The following TAC1 variants were observed in gnomAD, a reference collection of about 807,000 sequenced individuals.
The protein encoded by TAC1 is protachykinin-1.
In TAC1, 12 loss-of-function variants were observed where a neutral mutation model predicts 21.7. That is an observed-to-expected ratio of 0.55 (90% CI 0.35 to 0.89). TAC1 has a LOEUF of 0.89. Among genes scored for constraint, TAC1 ranks in the 40% least tolerant of loss-of-function variants. TAC1 has a pLI of 0.01. For missense variants in TAC1, 128 were observed against 151.4 expected (o/e 0.85, Z 0.81); for synonymous variants, 52 against 52.0 (o/e 1.00, Z 0.00).
intron 5 of TAC1, among the ~76,000 whole-genome samples, chr7:97,735,399 C>T (rs566012149): frequency 3.7e-4 from 57 of 152,154 alleles, no homozygotes; most frequent in African/African-American, 1.4e-3. Context: ...TGGGAAAACT[C>T]GATCAGTAAA....
rs1269588768 is a variant in TAC1 at position 97,732,793 on chromosome 7, C to T, written c.123+58C>T. The T allele has an allele frequency of 1.3e-6, 2 of 1,581,766 alleles. No homozygotes were observed. Among genetic ancestry groups the T allele is most frequent in the Admixed American group, 1.7e-5 (1 of 57,240 alleles). On this transcript the variant is annotated intron_variant, in intron 2 of 6. Coordinates refer to ENST00000319273, the MANE Select transcript of TAC1 (RefSeq NM_003182.3). The surrounding 1 kb of genome is among the most constrained non-coding windows in gnomAD (Gnocchi z 6.2). ...TCTTCCTGGGCTCGGGAGCTGTCAC[C>T]TTCCCACGCAACAGCACCCTAGTTA...
At chr7:97,735,161 C>T (rs1239812392) in intron 5 of TAC1, among the ~76,000 whole-genome samples, 1 of 152,060 alleles carries the variant, frequency 6.6e-6, no homozygotes, top group Non-Finnish European at 1.5e-5. Context: ...CAGCCACCCA[C>T]CCCCTAAGCT....
At position 97,734,182 on chromosome 7, in the gene TAC1, T is replaced by C; in HGVS notation, c.221-66T>C. 2.0e-6 allele frequency: 3 copies of C among 1,479,406 alleles called. No individual in the cohort carries two copies. In the East Asian group the frequency reaches 6.8e-5, roughly 33 times the overall value. 91.6% of individuals were successfully genotyped at this position (1,479,406 alleles called of 1,614,324 possible). On this transcript the variant is annotated intron_variant, in intron 3 of 6. Coordinates refer to ENST00000319273, the MANE Select transcript of TAC1 (RefSeq NM_003182.3). ...GTACATTTGTCTTGGGATAGAAATA[T>C]CGTTTCCTTGAATTCATCGCACGGT... is the stretch of plus-strand genomic sequence containing the variant.
intron 6 of TAC1, among the ~76,000 whole-genome samples, chr7:97,738,606 T>C (rs1255718652): frequency 6.6e-6 from 1 of 151,268 alleles, no homozygotes; most frequent in Non-Finnish European, 1.5e-5. Context: ...GCCTCACAAG[T>C]GCATACTTAA....
Position 97,733,946 on chromosome 7 carries a change from G to A in TAC1, c.220+127G>A, listed in dbSNP as rs1584416308. 5 of 994,582 alleles carry A rather than the reference G, an allele frequency of 5.0e-6. No individual in the cohort carries two copies. In the East Asian group the frequency reaches 1.3e-4, roughly 26 times the overall value. 61.6% of individuals were successfully genotyped at this position (994,582 alleles called of 1,614,324 possible). On this transcript the variant is annotated intron_variant, in intron 3 of 6. Transcript: ENST00000319273. ...ACTCCAAGAGGGGTGTAATTCCCCA[G>A]GCGCGACATTGGCCCACACCGCACT...
intron 2 of TAC1, 43 bp from the exon 3 acceptor site, chr7:97,733,680 C>A: frequency 6.2e-7 from 1 of 1,603,366 alleles, no homozygotes; most frequent in South Asian, 1.1e-5. Context: ...GTGCCTCGCT[C>A]TGGTTGCCTT....
intron 4 of TAC1, among the ~76,000 whole-genome samples, chr7:97,734,500 T>A (rs1049033782): frequency 2.0e-5 from 3 of 150,330 alleles, no homozygotes; most frequent in South Asian, 4.2e-4. Context: ...TCTCTCTCTC[T>A]CTTTCTCTCT....
At chr7:97,739,477 C>T (rs531453238) in intron 6 of TAC1, among the ~76,000 whole-genome samples, 2 of 152,126 alleles carry the variant, frequency 1.3e-5, no homozygotes, top group East Asian at 3.9e-4. Flanking sequence ...GGCCCATGGT[C>T]TCTGCTAGAA....
intron 6 of TAC1, among the ~76,000 whole-genome samples, chr7:97,736,713 T>C (rs1690482354): frequency 6.6e-6 from 1 of 152,032 alleles, no homozygotes; most frequent in Non-Finnish European, 1.5e-5. Context: ...ATGAGGGTGA[T>C]TTTCACTTGT....
Position 97,739,862 on chromosome 7 carries a change from C to G in TAC1, c.344-12C>G, listed in dbSNP as rs2115852318. 1 of 1,602,452 alleles carries G rather than the reference C, an allele frequency of 6.2e-7. No individual in the cohort carries two copies. The highest frequency in any genetic ancestry group is 8.5e-7 in the Non-Finnish European group (1 of 1,174,660). On this transcript the variant is annotated splice_polypyrimidine_tract_variant and intron_variant, in intron 6 of 6. Coordinates refer to ENST00000319273, the MANE Select transcript of TAC1 (RefSeq NM_003182.3). ...TCACTTAAAAAACACTTTATCTCTT[C>G]TTTGTTTTCAGTGGCTTATGAAAGG...
In TAC1 at chr7:97,736,333, C is replaced by A. The variant is rs1453419594; in HGVS notation, c.324C>A (p.Gly108=). The change falls in exon 6 of 7, where the codon GGC becomes GGA. Residue 108 remains glycine (G), a synonymous_variant. Coordinates refer to ENST00000319273, the MANE Select transcript of TAC1 (RefSeq NM_003182.3). ...HKTDSFVGLM[G]KRALNSVAYE... ...CAGATTCCTTTGTTGGACTAATGGG[C>A]AAAAGAGCTTTAAATTCTGGTATGT... 1.2e-6 allele frequency: 2 copies of A among 1,611,080 alleles called. No individual in the cohort carries two copies. Among genetic ancestry groups the A allele is most frequent in the East Asian group, 4.5e-5 (2 of 44,628 alleles).
intron 6 of TAC1, 86 bp from the exon 7 acceptor site, chr7:97,739,788 T>C: frequency 1.1e-6 from 1 of 900,492 alleles, no homozygotes; most frequent in East Asian, 2.6e-5. Context: ...GAGTTTAAAA[T>C]AAATTACTAT....
intron 5 of TAC1, among the ~76,000 whole-genome samples, chr7:97,735,762 T>TA (rs1789563461): frequency 1.3e-5 from 2 of 152,122 alleles, no homozygotes; most frequent in Non-Finnish European, 2.9e-5. Flanking sequence ...TTCTATGTAA[T>TA]AAAAAATGTA....
rs564214397 is a variant in TAC1 at position 97,733,647 on chromosome 7, G to C, written c.124-76G>C. The C allele has an allele frequency of 1.1e-4, 162 of 1,454,884 alleles. No individual in the cohort carries two copies. In the Middle Eastern group the frequency reaches 1.7e-3, roughly 16 times the overall value. 90.1% of individuals were successfully genotyped at this position (1,454,884 alleles called of 1,614,324 possible). A position where few individuals can be genotyped will look rare whatever the true frequency, so the allele number is the denominator to read the frequency against. On this transcript the variant is annotated intron_variant, in intron 2 of 6. Coordinates refer to ENST00000319273, the MANE Select transcript of TAC1 (RefSeq NM_003182.3). ...CACGCCTCGGGGCCGGAGTACAGCG[G>C]GGGGAAGGGCTCGGGTTGCTGGGTG...
intron 2 of TAC1, 89 bp from the exon 3 acceptor site, chr7:97,733,634 C>T (rs1318295952): frequency 8.3e-6 from 11 of 1,333,248 alleles, no homozygotes; most frequent in South Asian, 3.7e-5. Context: ...CGCCTCGGGG[C>T]CGGAGTACAG....
chr7:97,732,380 T>C lies in TAC1; in HGVS notation c.-10+185T>C, dbSNP rs1789455148. 6.6e-6 allele frequency among the ~76,000 whole-genome samples: 1 copy of C among 152,056 alleles called. No individual in the cohort carries two copies. Among genetic ancestry groups the C allele is most frequent in the African/African-American group, 2.4e-5 (1 of 41,406 alleles). Reference sequence around the variant, plus strand: ...TGGTTTGAAGGTGTGGGTTGGTGGGTTAGGGGGCTGGGGGAGTTGGGATTC... The same window carrying C: ...TGGTTTGAAGGTGTGGGTTGGTGGGCTAGGGGGCTGGGGGAGTTGGGATTC... On this transcript the variant is annotated intron_variant, in intron 1 of 6. Transcript: ENST00000319273. The surrounding 1 kb of genome is among the most constrained non-coding windows in gnomAD (Gnocchi z 6.2).
In TAC1 at chr7:97,732,717, C is replaced by A; in HGVS notation, c.105C>A (p.Tyr35Ter). ...NDDLNYWSDW[Y>*]DSDQIKEELP... ...ATCTGAATTACTGGTCCGACTGGTA[C>A]GACAGCGACCAGATCAAGGTGAGGC... Residue 35 changes from tyrosine (Y) to a stop codon, truncating the protein, a stop_gained, in exon 2 of 7, where the codon TAC (tyrosine) becomes TAA (stop). Transcript: ENST00000319273. LOFTEE classifies it high-confidence loss of function. This position sits in a 1 kb window ranked among gnomAD's most constrained non-coding sequence, Gnocchi z 6.2. The A allele has an allele frequency of 6.2e-7, 1 of 1,613,926 alleles. No homozygotes were observed. Among genetic ancestry groups the A allele is most frequent in the Non-Finnish European group, 8.5e-7 (1 of 1,180,008 alleles).
chr7:97,736,428 A>T, intron 6 of TAC1, 76 bp downstream of exon 6: 1 of 1,384,000 alleles, frequency 7.2e-7, no homozygotes, highest in Non-Finnish European at 1.0e-6. Context: ...TAGTTTTAAA[A>T]TATTAAAAAG....
intron 5 of TAC1, 25 bp from the exon 6 acceptor site, chr7:97,736,274 A>T: frequency 1.3e-6 from 2 of 1,595,926 alleles, no homozygotes; most frequent in Non-Finnish European, 1.7e-6. Flanking sequence ...TACATATTAA[A>T]ATACCCCTAA....
Sources: allele counts gnomAD v4.1 joint callset (sites outside exome capture counted in the v4.1 genomes callset), GRCh38; gene constraint gnomAD v4.1.1; non-coding constraint Gnocchi (gnomAD v3.1); transcripts MANE v1.5; gene names NCBI Gene and HGNC (gene_info 2026-07-23, HGNC 2026-07-21).